TMEM192: variants seen among roughly 807,000 people sequenced by gnomAD.
TMEM192 encodes the protein transmembrane protein 192.
Under a neutral mutation model 26.7 loss-of-function variants are expected in TMEM192, and 20 were observed. The observed-to-expected ratio is 0.75, with a 90% CI of 0.53 to 1.09. The LOEUF is 1.09. Ranked by LOEUF, TMEM192 falls within the 50% of genes least tolerant of loss-of-function variation. The pLI is 0.00. For synonymous variants in TMEM192, 124 were observed against 121.0 expected (o/e 1.02, Z -0.16); for missense variants, 304 against 322.6 (o/e 0.94, Z 0.44).
chr4:165,106,894 A>C (rs1735173877), intron 1 of TMEM192, among the ~76,000 whole-genome samples: 1 of 152,076 alleles, frequency 6.6e-6, no homozygotes, highest in South Asian at 2.1e-4. Context: ...TTATATATAC[A>C]TATATCCTAT....
intron 5 of TMEM192, 104 bp from the exon 6 acceptor site, chr4:165,079,900 G>T (rs1734483860): frequency 9.8e-6 from 11 of 1,123,562 alleles, no homozygotes; most frequent in Non-Finnish European, 9.5e-6. Flanking sequence ...TATTGTATTT[G>T]CCACCTTTTC....
At chr4:165,109,765 C>T (rs1311667510) in intron 1 of TMEM192, among the ~76,000 whole-genome samples, 4 of 152,226 alleles carry the variant, frequency 2.6e-5, no homozygotes, top group Admixed American at 6.5e-5. Context: ...CTTCTTCTCT[C>T]GCCTAAATGA....
chr4:165,090,910 C>CAAAAGAA (rs1734743836), intron 3 of TMEM192, among the ~76,000 whole-genome samples: 1 of 51,022 alleles, frequency 2.0e-5, no homozygotes, highest in Non-Finnish European at 3.3e-5. Flanking sequence ...GACTCTGTCT[C>CAAAAGAA]AAAAAAAAAA....
rs2111248720 is a variant in TMEM192 at position 165,072,379 on chromosome 4, A to C, written c.*7279T>G. On this transcript the variant is annotated 3_prime_UTR_variant, in exon 6 of 6. Transcript: ENST00000306480. Reference sequence around the variant, plus strand: ...AGACCAGCCTGGCTAACATGGTGAAACCCCCTTTCTACTAAAAATATAAAA... The same window carrying C: ...AGACCAGCCTGGCTAACATGGTGAACCCCCCTTTCTACTAAAAATATAAAA... 6.6e-6 allele frequency: 1 copy of C among 151,860 alleles called. No homozygotes were observed. The highest frequency in any genetic ancestry group is 1.5e-5 in the Non-Finnish European group (1 of 67,960). 9.4% of individuals were successfully genotyped at this position (151,860 alleles called of 1,614,324 possible).
rs1734301050 is a variant in TMEM192, at chr4:165,072,853, T to G, written c.*6805A>C. The G allele has an allele frequency of 6.6e-6, 1 of 151,738 alleles. No individual in the cohort carries two copies. The highest frequency in any genetic ancestry group is 1.5e-5 in the Non-Finnish European group (1 of 68,014). The allele number at this position is 151,738 out of a possible 1,614,324, so 9.4% of individuals were successfully genotyped here. A position where few individuals can be genotyped will look rare whatever the true frequency, so the allele number is the denominator to read the frequency against. ...GATCTAGAAGGGGCAGTTGGACACA[T>G]AAGTCTGGAGTTCAGGGAGGAAGGC... is the stretch of plus-strand genomic sequence containing the variant. On this transcript the variant is annotated 3_prime_UTR_variant, in exon 6 of 6. Coordinates refer to ENST00000306480, the MANE Select transcript of TMEM192 (RefSeq NM_001100389.2).
intron 1 of TMEM192, among the ~76,000 whole-genome samples, chr4:165,107,454 C>T (rs1263299983): frequency 6.6e-6 from 1 of 151,950 alleles, no homozygotes; most frequent in Non-Finnish European, 1.5e-5. Context: ...AGAAATCCTC[C>T]TACCTCAGTC....
chr4:165,095,369 C>CA (rs1412735912), intron 3 of TMEM192, among the ~76,000 whole-genome samples: 1 of 152,192 alleles, frequency 6.6e-6, no homozygotes, highest in Non-Finnish European at 1.5e-5. Context: ...TGCTATGCTA[C>CA]AGGAGAGACC....
chr4:165,073,664 C>G lies in TMEM192; in HGVS notation c.*5994G>C, dbSNP rs1469135063. On this transcript the variant is annotated 3_prime_UTR_variant, in exon 6 of 6. Coordinates refer to ENST00000306480, the MANE Select transcript of TMEM192 (RefSeq NM_001100389.2). Reference sequence around the variant, plus strand: ...GGGAATGGAATGTCTCGGTGTAAAGCTGACCATTCCCATTCGTTCTATTCT... The same window carrying G: ...GGGAATGGAATGTCTCGGTGTAAAGGTGACCATTCCCATTCGTTCTATTCT... The G allele has an allele frequency of 2.0e-5, 3 of 152,238 alleles. No homozygotes were observed. Among genetic ancestry groups the G allele is most frequent in the Non-Finnish European group, 4.4e-5 (3 of 68,060 alleles). The allele number at this position is 152,238 out of a possible 1,614,324, so 9.4% of individuals were successfully genotyped here.
At chr4:165,111,646 T>TA (rs1735294701) in intron 1 of TMEM192, 1 of 152,218 alleles carries the variant, frequency 6.6e-6, no homozygotes, top group Admixed American at 6.5e-5. Context: ...CAAATCTACT[T>TA]ACAGGTCTTA....
intron 2 of TMEM192, 146 bp downstream of exon 2, chr4:165,102,804 C>G: frequency 6.1e-6 from 2 of 330,092 alleles, no homozygotes; most frequent in Non-Finnish European, 9.4e-6. Context: ...TTTTTTTTTG[C>G]CCATGACACA....
At chr4:165,099,041 T>G (rs149121087) in intron 3 of TMEM192, among the ~76,000 whole-genome samples, 10 of 151,302 alleles carry the variant, frequency 6.6e-5, no homozygotes, top group Admixed American at 4.0e-4. Flanking sequence ...GGACTCAAAT[T>G]GAAAAACAGG....
Position 165,079,725 on chromosome 4 carries a change from G to T in TMEM192, c.749C>A (p.Ala250Glu), listed in dbSNP as rs374995608. 5.0e-6 allele frequency: 8 copies of T among 1,613,826 alleles called. No individual in the cohort carries two copies. Among genetic ancestry groups the T allele is most frequent in the Non-Finnish European group, 6.8e-6 (8 of 1,179,936 alleles). The change falls in exon 6 of 6, where the codon GCG (alanine) becomes GAG (glutamate). Residue 250 changes from alanine to glutamate, a missense_variant. Ala to Glu is a moderately radical substitution (Grantham distance 107). Coordinates refer to ENST00000306480, the MANE Select transcript of TMEM192 (RefSeq NM_001100389.2). ...AGCCAACAATCGCTTACTCAGCAGC[G>T]CATTGTGTCGCTTCAGGTATTCAAT... ...DTIEYLKRHN[A>E]LLSKRLLALT...
At position 165,071,237 on chromosome 4, in the gene TMEM192, TGTG is replaced by T. The variant is rs1560920693; in HGVS notation, c.*8418_*8420del. On this transcript the variant is annotated 3_prime_UTR_variant, in exon 6 of 6. Coordinates refer to ENST00000306480, the MANE Select transcript of TMEM192 (RefSeq NM_001100389.2). ...CTATAATAAAAGTTACGTGTGGTGG[TGTG>T]GTGCACATCTATAATCCCAGCTACT... is the stretch of plus-strand genomic sequence containing the variant. 2.0e-5 allele frequency: 3 copies of T among 151,926 alleles called. No homozygotes were observed. 9.4% of individuals were successfully genotyped at this position (151,926 alleles called of 1,614,324 possible).
In TMEM192 at chr4:165,070,872, G is replaced by A. The variant is rs1276672519; in HGVS notation, c.*8786C>T. 1 of 152,178 alleles carries A rather than the reference G, an allele frequency of 6.6e-6. No individual in the cohort carries two copies. The highest frequency in any genetic ancestry group is 2.4e-5 in the African/African-American group (1 of 41,456). The allele number at this position is 152,178 out of a possible 1,614,324, so 9.4% of individuals were successfully genotyped here. On this transcript the variant is annotated 3_prime_UTR_variant, in exon 6 of 6. Transcript: ENST00000306480. ...AACGTATATTGAGTGCCTACTTTGT[G>A]CCAGACACTGTTCTATGTATGAAGG...
chr4:165,100,115 A>G (rs900844536), intron 3 of TMEM192, among the ~76,000 whole-genome samples: 1 of 152,058 alleles, frequency 6.6e-6, no homozygotes, highest in African/African-American at 2.4e-5. Flanking sequence ...ATAACAAATA[A>G]CAGATTTCAA....
chr4:165,075,685 T>G lies in TMEM192; in HGVS notation c.*3973A>C. On this transcript the variant is annotated 3_prime_UTR_variant, in exon 6 of 6. Coordinates refer to ENST00000306480, the MANE Select transcript of TMEM192 (RefSeq NM_001100389.2). ...GCTGGGTTCAAGCAATTCTCCTGCC[T>G]TAGCCTCCAGAGTAGCTGGGATTAC... The G allele has an allele frequency of 6.6e-6, 1 of 150,570 alleles. No individual in the cohort carries two copies. Among genetic ancestry groups the G allele is most frequent in the Non-Finnish European group, 1.5e-5 (1 of 67,818 alleles). The allele number at this position is 150,570 out of a possible 1,614,324, so 9.3% of individuals were successfully genotyped here.
At chr4:165,108,441 C>T (rs914817511) in intron 1 of TMEM192, among the ~76,000 whole-genome samples, 1 of 151,988 alleles carries the variant, frequency 6.6e-6, no homozygotes, top group African/African-American at 2.4e-5. Flanking sequence ...ATCCTATATT[C>T]GTGAACTTTG....
chr4:165,097,595 A>T (rs535173348), intron 3 of TMEM192, among the ~76,000 whole-genome samples: 44 of 148,068 alleles, frequency 3.0e-4, no homozygotes, highest in African/African-American at 1.1e-3. Context: ...TGGAGAAAAA[A>T]ATCTCTAATT....
At chr4:165,102,259 A>G (rs1269753095) in intron 2 of TMEM192, among the ~76,000 whole-genome samples, 8 of 152,232 alleles carry the variant, frequency 5.3e-5, no homozygotes, top group African/African-American at 1.7e-4. Flanking sequence ...CTGTGTCAAC[A>G]TATGTAGACT....
Sources: allele counts gnomAD v4.1 joint callset (sites outside exome capture counted in the v4.1 genomes callset), GRCh38; gene constraint gnomAD v4.1.1; transcripts MANE v1.5; gene names NCBI Gene and HGNC (gene_info 2026-07-23, HGNC 2026-07-21).